Variants in DTNB observed in about 807,000 individuals in gnomAD.
DTNB encodes the protein DTN-B.
In DTNB, 63 loss-of-function variants were observed where a neutral mutation model predicts 90.7. That is an observed-to-expected ratio of 0.69 (90% CI 0.57 to 0.86). The LOEUF is 0.86. Among genes scored for constraint, DTNB ranks in the 40% least tolerant of loss-of-function variants. The pLI is 0.00. For synonymous variants in DTNB, 277 were observed against 286.7 expected, an observed-to-expected ratio of 0.97 and a Z score of 0.34; for missense variants, 744 against 807.1, an observed-to-expected ratio of 0.92 and a Z score of 0.95.
At chr2:25,479,926 G>C (rs747608773) in intron 10 of DTNB, among the ~76,000 whole-genome samples, 218 of 152,238 alleles carry the variant, frequency 1.4e-3, no homozygotes, top group Non-Finnish European at 2.5e-3. Context: ...GCAGAGTAAG[G>C]CTCTGTGGCT....
Position 25,424,458 on chromosome 2 carries a change from T to C in DTNB, c.1554+3077A>G, listed in dbSNP as rs1314602063. The stretch of plus-strand genomic sequence containing the variant: ...GCATGGGGCTTGGGGTCAGTAGTTC[T>C]GGGGATCACTAAGACAATCCAACTG... On this transcript the variant is annotated intron_variant, in intron 15 of 20. Coordinates refer to ENST00000406818, the MANE Select transcript of DTNB (RefSeq NM_021907.5). This position sits in a 1 kb window ranked among gnomAD's most constrained non-coding sequence, Gnocchi z 4.1. Among the ~76,000 whole-genome samples the C allele has an allele frequency of 6.6e-6, 1 of 152,152 alleles. No homozygotes were observed. The highest frequency in any genetic ancestry group is 2.4e-5 in the African/African-American group (1 of 41,428).
At chr2:25,657,048 T>C (rs1017981318) in intron 1 of DTNB, among the ~76,000 whole-genome samples, 1 of 152,108 alleles carries the variant, frequency 6.6e-6, no homozygotes, top group Admixed American at 6.5e-5. Context: ...TGGTGGTGCA[T>C]GCCTGTAATG....
intron 16 of DTNB, among the ~76,000 whole-genome samples, chr2:25,392,324 C>T (rs1657848282): frequency 6.6e-6 from 1 of 152,070 alleles, no homozygotes; most frequent in African/African-American, 2.4e-5. Context: ...GCAGGAGAAT[C>T]TCTTGAACCC....
At chr2:25,496,240 G>A (rs2068814183) in intron 9 of DTNB, among the ~76,000 whole-genome samples, 1 of 152,116 alleles carries the variant, frequency 6.6e-6, no homozygotes, top group South Asian at 2.1e-4. Flanking sequence ...CAACAGAAAT[G>A]TATTTTTTTA....
At chr2:25,664,442 G>A (rs1418452814) in intron 1 of DTNB, among the ~76,000 whole-genome samples, 1 of 152,144 alleles carries the variant, frequency 6.6e-6, no homozygotes, top group East Asian at 1.9e-4. Flanking sequence ...CCCAGCAGAG[G>A]TGAACTAAAA....
At chr2:25,579,987 T>C (rs1365052414) in intron 7 of DTNB, among the ~76,000 whole-genome samples, 1 of 136,522 alleles carries the variant, frequency 7.3e-6, no homozygotes, top group African/African-American at 2.7e-5. Context: ...TTTTTTTTTT[T>C]TTTTTTTTTT....
chr2:25,560,548 C>A (rs1329757821), intron 8 of DTNB, among the ~76,000 whole-genome samples: 3 of 151,322 alleles, frequency 2.0e-5, no homozygotes, highest in African/African-American at 7.3e-5. Context: ...AGGTCTGGAG[C>A]CTGCTGGAAC....
At chr2:25,556,854 A>G (rs2057443587) in intron 8 of DTNB, among the ~76,000 whole-genome samples, 1 of 152,228 alleles carries the variant, frequency 6.6e-6, no homozygotes, top group Non-Finnish European at 1.5e-5. Flanking sequence ...CTAAGAAAAT[A>G]TAGTGTATTA....
At position 25,580,836 on chromosome 2, in the gene DTNB, G is replaced by T. The variant is rs369404192; in HGVS notation, c.604-10C>A. 3 of 1,600,038 alleles carry T rather than the reference G, an allele frequency of 1.9e-6. No homozygotes were observed. Among genetic ancestry groups the T allele is most frequent in the Admixed American group, 3.5e-5 (2 of 57,336 alleles). On this transcript the variant is annotated splice_polypyrimidine_tract_variant and intron_variant, in intron 6 of 20. Coordinates refer to ENST00000406818, the MANE Select transcript of DTNB (RefSeq NM_021907.5). ...TTAGCATTATCTTTCTCTGTAAAGA[G>T]AAGAAAAACAAACATACTTTAAGTT...
intron 9 of DTNB, among the ~76,000 whole-genome samples, chr2:25,494,492 C>CGGG (rs2068348846): frequency 5.5e-5 from 1 of 18,046 alleles, no homozygotes; most frequent in Non-Finnish European, 1.2e-4. Context: ...GGGGGGAGTG[C>CGGG]GGGGGTGGTT....
intron 19 of DTNB, 132 bp from the exon 20 acceptor site, chr2:25,379,455 T>C: frequency 1.7e-6 from 2 of 1,172,218 alleles, no homozygotes; most frequent in Non-Finnish European, 2.2e-6. Flanking sequence ...ACTCGTTTGT[T>C]GACTTTTCCC....
intron 4 of DTNB, among the ~76,000 whole-genome samples, chr2:25,613,872 T>C (rs1196385236): frequency 1.3e-5 from 2 of 152,042 alleles, no homozygotes; most frequent in Admixed American, 6.6e-5. Context: ...GCAGGAGAAT[T>C]GCTTGAACCC....
intron 9 of DTNB, among the ~76,000 whole-genome samples, chr2:25,501,166 G>A (rs1420946366): frequency 6.6e-6 from 1 of 151,262 alleles, no homozygotes; most frequent in Admixed American, 6.6e-5. Flanking sequence ...AAAGATTGAT[G>A]AACATAAAAA....
chr2:25,576,571 AAG>A (rs1018895893), intron 8 of DTNB: 15 of 302,180 alleles, frequency 5.0e-5, no homozygotes, highest in Non-Finnish European at 7.8e-5. Flanking sequence ...TTGCTTTGAA[AAG>A]AGAGCACTGC....
intron 9 of DTNB, among the ~76,000 whole-genome samples, chr2:25,498,298 G>A (rs1454718838): frequency 6.6e-6 from 1 of 152,126 alleles, no homozygotes; most frequent in Non-Finnish European, 1.5e-5. Flanking sequence ...GAAAAGCCAA[G>A]CCAACAAATC....
At chr2:25,505,823 C>T (rs767520942) in intron 9 of DTNB, among the ~76,000 whole-genome samples, 8 of 152,168 alleles carry the variant, frequency 5.3e-5, no homozygotes, top group Non-Finnish European at 1.2e-4. Flanking sequence ...TTCATCATCG[C>T]TAAAGGTTCT....
In DTNB at chr2:25,563,730, GTCATCACCC is replaced by G. The variant is rs1169433520; in HGVS notation, c.876+13099_876+13107del. On this transcript the variant is annotated intron_variant, in intron 8 of 20. Transcript: ENST00000406818. ...AGACTATTCTTTCCTCCATTGGATGGTCATCACCCTCATTGAAAAATCGACAACAACAAA... is the reference window on the plus strand; with the variant it reads ...AGACTATTCTTTCCTCCATTGGATGGTCATTGAAAAATCGACAACAACAAA... Among the ~76,000 whole-genome samples, 25 of 152,210 alleles carry G rather than the reference GTCATCACCC, an allele frequency of 1.6e-4. No individual in the cohort carries two copies. The East Asian group carries it at 4.6e-3, about 28-fold the overall frequency.
At chr2:25,465,913 A>G (rs1056547982) in intron 10 of DTNB, among the ~76,000 whole-genome samples, 3 of 152,242 alleles carry the variant, frequency 2.0e-5, no homozygotes, top group Admixed American at 6.5e-5. Context: ...ATAAAAGCAG[A>G]GACCTATTTT....
intron 2 of DTNB, among the ~76,000 whole-genome samples, chr2:25,650,767 C>T (rs1319532455): frequency 1.3e-5 from 2 of 152,102 alleles, no homozygotes; most frequent in Non-Finnish European, 2.9e-5. Context: ...TTGAGACCAG[C>T]CCGGCCAACA....
Sources: gnomAD v4.1 joint callset for allele counts (sites outside exome capture counted in the v4.1 genomes callset) on GRCh38, gnomAD v4.1.1 for gene constraint, Gnocchi (gnomAD v3.1) non-coding constraint, MANE v1.5 for transcripts, NCBI Gene and HGNC (gene_info 2026-07-23, HGNC 2026-07-21) for gene names.